ZRANB3: variants seen among roughly 807,000 people sequenced by gnomAD.
The protein encoded by ZRANB3 is DNA annealing helicase and endonuclease ZRANB3.
ZRANB3 carries 125 observed loss-of-function variants against 133.8 expected under a neutral mutation model. The observed-to-expected ratio is 0.93, with a 90% CI of 0.81 to 1.08. The LOEUF is 1.08. Among genes scored for constraint, ZRANB3 ranks in the 50% least tolerant of loss-of-function variants. The probability of loss-of-function intolerance (pLI) is 0.00; values close to 1 mark genes in which losing one functional copy is unlikely to be tolerated. For missense variants in ZRANB3, 1,229 were observed against 1,275.5 expected (o/e 0.96, Z 0.56); for synonymous variants, 387 against 432.7 (o/e 0.89, Z 1.31).
At chr2:135,440,178 T>C (rs1409551652) in intron 2 of ZRANB3, among the ~76,000 whole-genome samples, 1 of 152,212 alleles carries the variant, frequency 6.6e-6, no homozygotes, top group Non-Finnish European at 1.5e-5. Flanking sequence ...CATAATGTTT[T>C]TGGACACTAA....
At chr2:135,370,888 G>C (rs1686148038) in intron 3 of ZRANB3, among the ~76,000 whole-genome samples, 1 of 152,166 alleles carries the variant, frequency 6.6e-6, no homozygotes, top group South Asian at 2.1e-4. Flanking sequence ...ATGATAATGA[G>C]TGAATCTCAT....
At chr2:135,326,898 CAAAAAAA>C (rs56683794) in intron 6 of ZRANB3, among the ~76,000 whole-genome samples, 5 of 61,462 alleles carry the variant, frequency 8.1e-5, no homozygotes, top group Admixed American at 1.8e-4. Flanking sequence ...GACTCCATCT[CAAAAAAA>C]AAAAAAAAAA....
intron 2 of ZRANB3, among the ~76,000 whole-genome samples, chr2:135,424,064 A>C (rs958493623): frequency 3.3e-5 from 5 of 152,230 alleles, no homozygotes; most frequent in African/African-American, 1.2e-4. Flanking sequence ...ACTCTGTTTA[A>C]AAAAGCAAGT....
intron 2 of ZRANB3, among the ~76,000 whole-genome samples, chr2:135,424,548 T>C (rs1688992105): frequency 2.0e-5 from 3 of 152,212 alleles, no homozygotes; most frequent in Admixed American, 2.0e-4. Context: ...GACTGGCCGA[T>C]ATGGTGAAAC....
chr2:135,485,072 A>C (rs1308157918), intron 2 of ZRANB3, among the ~76,000 whole-genome samples: 1 of 152,062 alleles, frequency 6.6e-6, no homozygotes, highest in Non-Finnish European at 1.5e-5. Flanking sequence ...ATATTTTTAA[A>C]ACCCCAATAA....
intron 2 of ZRANB3, among the ~76,000 whole-genome samples, chr2:135,500,308 C>T (rs1407140034): frequency 1.3e-5 from 2 of 152,076 alleles, no homozygotes; most frequent in Non-Finnish European, 2.9e-5. Context: ...TATATATATT[C>T]ACCAAAAGAT....
At chr2:135,222,469 A>G (rs1694594097) in intron 15 of ZRANB3, among the ~76,000 whole-genome samples, 2 of 152,052 alleles carry the variant, frequency 1.3e-5, no homozygotes, top group South Asian at 2.1e-4. Context: ...TCCAGGCCAT[A>G]GATTCTCACA....
intron 14 of ZRANB3, among the ~76,000 whole-genome samples, chr2:135,225,753 G>C (rs1264039251): frequency 6.6e-6 from 1 of 152,190 alleles, no homozygotes; most frequent in African/African-American, 2.4e-5. Context: ...CTTGGATACA[G>C]ACCAGGAAAG....
intron 6 of ZRANB3, among the ~76,000 whole-genome samples, chr2:135,341,011 C>A (rs1573940398): frequency 6.9e-6 from 1 of 145,526 alleles, no homozygotes; most frequent in African/African-American, 2.7e-5. Flanking sequence ...TAGAGAAAGA[C>A]AACTGACTAT....
intron 2 of ZRANB3, among the ~76,000 whole-genome samples, chr2:135,424,799 G>A (rs755775724): frequency 3.3e-5 from 5 of 152,076 alleles, no homozygotes; most frequent in South Asian, 2.1e-4. Flanking sequence ...TCAATGGGTC[G>A]AACCAGTGCC....
intron 8 of ZRANB3, among the ~76,000 whole-genome samples, chr2:135,309,883 G>T (rs931751735): frequency 6.6e-6 from 1 of 152,114 alleles, no homozygotes; most frequent in Non-Finnish European, 1.5e-5. Flanking sequence ...AAAAGACAAA[G>T]CAATATTGAA....
chr2:135,510,125 G>A (rs780421494), intron 1 of ZRANB3, among the ~76,000 whole-genome samples: 5 of 152,104 alleles, frequency 3.3e-5, no homozygotes, highest in Non-Finnish European at 7.4e-5. Context: ...ATCAAATCCT[G>A]TATTTCTCAC....
rs1683508861 is a variant in ZRANB3 at position 135,321,202 on chromosome 2, CATA to C, written c.678-5675_678-5673del. ...TCTGATTTGTATTGTCAGTGTATGC[CATA>C]ATGTTTCCAAAGTGGTTGAACATTT... On this transcript the variant is annotated intron_variant, in intron 6 of 20. Coordinates refer to ENST00000264159, the MANE Select transcript of ZRANB3 (RefSeq NM_032143.4). Among the ~76,000 whole-genome samples, 6 of 152,214 alleles carry C rather than the reference CATA, an allele frequency of 3.9e-5. No homozygotes were observed. In the East Asian group the frequency reaches 1.2e-3, roughly 29 times the overall value.
At chr2:135,479,545 G>A (rs1360465786) in intron 2 of ZRANB3, among the ~76,000 whole-genome samples, 1 of 152,062 alleles carries the variant, frequency 6.6e-6, no homozygotes, top group Admixed American at 6.6e-5. Context: ...TGAGGCGGGA[G>A]AATCAAGCTA....
At chr2:135,390,698 T>C (rs539311827) in intron 3 of ZRANB3, 104 bp downstream of exon 3, 17 of 1,299,414 alleles carry the variant, frequency 1.3e-5, no homozygotes, top group Middle Eastern at 1.9e-4. Context: ...CATCCCCATA[T>C]ACAGACATAT....
chr2:135,443,305 A>G (rs1020390545), intron 2 of ZRANB3, among the ~76,000 whole-genome samples: 2 of 148,292 alleles, frequency 1.3e-5, no homozygotes, highest in Admixed American at 6.8e-5. Flanking sequence ...GTTCTCACTC[A>G]TAAGTGGCAG....
intron 3 of ZRANB3, among the ~76,000 whole-genome samples, chr2:135,361,161 A>G (rs1044259302): frequency 1.3e-5 from 2 of 152,256 alleles, no homozygotes; most frequent in Non-Finnish European, 2.9e-5. Context: ...TAATTTAGGC[A>G]TACAGGAATA....
intron 2 of ZRANB3, among the ~76,000 whole-genome samples, chr2:135,456,005 G>C (rs1222014772): frequency 6.6e-6 from 1 of 152,010 alleles, no homozygotes; most frequent in Admixed American, 6.5e-5. Flanking sequence ...AATCTACTTT[G>C]CTTATTTCCT....
At chr2:135,408,901 G>A (rs901096483) in intron 2 of ZRANB3, among the ~76,000 whole-genome samples, 26 of 152,008 alleles carry the variant, frequency 1.7e-4, no homozygotes, top group Admixed American at 5.9e-4. Flanking sequence ...GGTGCAGCAC[G>A]CCAACATGGC....
Sources: allele counts gnomAD v4.1 joint callset (sites outside exome capture counted in the v4.1 genomes callset), GRCh38; gene constraint gnomAD v4.1.1; transcripts MANE v1.5; gene names NCBI Gene and HGNC (gene_info 2026-07-23, HGNC 2026-07-21).